The following ROBO2 variants were observed in gnomAD, a reference collection of about 807,000 sequenced individuals.
ROBO2 encodes roundabout homolog 2.
ROBO2 carries 53 observed loss-of-function variants against 160.8 expected under a neutral mutation model. That is an observed-to-expected ratio of 0.33 (90% CI 0.26 to 0.41). ROBO2 has a LOEUF of 0.41. ROBO2 is among the 10% of genes least tolerant of loss of function. The pLI is 1.00. For synonymous variants in ROBO2, 664 were observed against 611.7 expected, an observed-to-expected ratio of 1.09 and a Z score of -1.26; for missense variants, 1,577 against 1,722.4, an observed-to-expected ratio of 0.92 and a Z score of 1.49.
intron 2 of ROBO2, among the ~76,000 whole-genome samples, chr3:76,031,705 G>T (rs531098345): frequency 1.2e-3 from 182 of 152,184 alleles, no homozygotes; most frequent in African/African-American, 4.1e-3. Context: ...GCATCCCAGG[G>T]ATGAAGCCAA....
chr3:77,607,260 A>G (rs769270362), intron 20 of ROBO2, among the ~76,000 whole-genome samples: 26 of 152,344 alleles, frequency 1.7e-4, no homozygotes, highest in Non-Finnish European at 3.1e-4. Flanking sequence ...TATAAAACGT[A>G]TCTTCGCAAA....
intron 2 of ROBO2, among the ~76,000 whole-genome samples, chr3:76,240,366 G>A (rs1006082750): frequency 2.0e-5 from 3 of 151,790 alleles, no homozygotes; most frequent in African/African-American, 7.3e-5. Flanking sequence ...ACTTAGAAGT[G>A]AGAACATGCG....
chr3:77,590,893 T>G (rs141757251), intron 17 of ROBO2, among the ~76,000 whole-genome samples: 1 of 152,210 alleles, frequency 6.6e-6, no homozygotes, highest in African/African-American at 2.4e-5. Context: ...CTGTTACAAT[T>G]TTTTATTGTT....
At chr3:77,580,640 T>C (rs1387732458) in intron 16 of ROBO2, among the ~76,000 whole-genome samples, 1 of 152,184 alleles carries the variant, frequency 6.6e-6, no homozygotes, top group Non-Finnish European at 1.5e-5. Context: ...TCTTGAGATG[T>C]ATATAAATGG....
At chr3:76,783,608 G>T (rs185247158) in intron 2 of ROBO2, among the ~76,000 whole-genome samples, 2 of 149,878 alleles carry the variant, frequency 1.3e-5, no homozygotes, top group Admixed American at 1.3e-4. Context: ...GTCTTATGAA[G>T]ATTCCCTTAT....
At chr3:76,600,863 A>G (rs2087089790) in intron 2 of ROBO2, among the ~76,000 whole-genome samples, 1 of 152,158 alleles carries the variant, frequency 6.6e-6, no homozygotes, top group East Asian at 1.9e-4. Context: ...AAAAGTCCAC[A>G]GTCCAAAGTC....
In ROBO2 at chr3:76,130,676, A is replaced by G. The variant is rs189092570; in HGVS notation, c.109+193074A>G. 2.4e-3 allele frequency among the ~76,000 whole-genome samples: 372 copies of G among 152,254 alleles called. 1 individual carries two copies. The highest frequency in any genetic ancestry group is 7.4e-3 in the African/African-American group (309 of 41,572). On this transcript the variant is annotated intron_variant, in intron 2 of 26. Transcript: ENST00000487694. ...AGGCCACATAGCCATTCCTAATAAG[A>G]AAAATACCTGAAAAAATCAACTATC... is the stretch of plus-strand genomic sequence containing the variant.
At chr3:76,717,617 G>A (rs929824961) in intron 2 of ROBO2, among the ~76,000 whole-genome samples, 5 of 152,082 alleles carry the variant, frequency 3.3e-5, no homozygotes, top group Admixed American at 2.0e-4. Flanking sequence ...TCAGGTAGGC[G>A]ATCAAACTGA....
At chr3:76,390,553 A>C (rs1000358472) in intron 2 of ROBO2, among the ~76,000 whole-genome samples, 22 of 152,258 alleles carry the variant, frequency 1.4e-4, no homozygotes, top group African/African-American at 5.1e-4. Flanking sequence ...AAATTCATTA[A>C]AGTTTCATTA....
chr3:76,414,034 G>A (rs1409552688), intron 2 of ROBO2, among the ~76,000 whole-genome samples: 1 of 151,940 alleles, frequency 6.6e-6, no homozygotes, highest in Non-Finnish European at 1.5e-5. Context: ...GGCAGCAAGA[G>A]AAAATGAGGA....
chr3:76,674,403 C>T (rs1344384968), intron 2 of ROBO2, among the ~76,000 whole-genome samples: 2 of 151,976 alleles, frequency 1.3e-5, no homozygotes, highest in African/African-American at 4.8e-5. Flanking sequence ...TGTCAGCACT[C>T]CCCATCCCAG....
Position 77,011,442 on chromosome 3 carries a change from A to G in ROBO2, c.110-86572A>G, listed in dbSNP as rs1427322384. Among the ~76,000 whole-genome samples, 5 of 151,998 alleles carry G rather than the reference A, an allele frequency of 3.3e-5. No homozygotes were observed. In the East Asian group the frequency reaches 9.8e-4, roughly 30 times the overall value. ...CTTATTACTTAAAATCCATCTCCAA[A>G]CCTTTCACCCTGCTAAGTGCCATGG... On this transcript the variant is annotated intron_variant, in intron 2 of 26. Transcript: ENST00000487694.
intron 5 of ROBO2, among the ~76,000 whole-genome samples, chr3:77,497,275 C>T (rs1232522527): frequency 2.0e-5 from 3 of 151,950 alleles, no homozygotes; most frequent in Non-Finnish European, 4.4e-5. Context: ...GTGTTAGGGA[C>T]AAAAATTTCA....
chr3:76,283,001 G>T (rs1708308822), intron 2 of ROBO2, among the ~76,000 whole-genome samples: 1 of 140,626 alleles, frequency 7.1e-6, no homozygotes. Context: ...TTTATTTTAA[G>T]AAAATTTTTT....
chr3:76,006,882 C>T (rs369515970), intron 2 of ROBO2, among the ~76,000 whole-genome samples: 15 of 151,890 alleles, frequency 9.9e-5, no homozygotes, highest in Admixed American at 2.0e-4. Flanking sequence ...AATCACATAC[C>T]GGTCAAGTAA....
At position 76,673,466 on chromosome 3, in the gene ROBO2, G is replaced by A. The variant is rs148565156; in HGVS notation, c.110-424548G>A. On this transcript the variant is annotated intron_variant, in intron 2 of 26. Transcript: ENST00000487694. The stretch of plus-strand genomic sequence containing the variant: ...CAGGAGTCTTGTGGACATTTTACTG[G>A]CAAGGAAAGGCAGGTACAGGATTTA... Among the ~76,000 whole-genome samples the A allele has an allele frequency of 5.2e-3, 793 of 152,246 alleles. 8 individuals carry two copies. Among genetic ancestry groups the A allele is most frequent in the Non-Finnish European group, 4.9e-3 (335 of 68,010 alleles).
chr3:76,005,214 C>T (rs1297511737), intron 2 of ROBO2, among the ~76,000 whole-genome samples: 2 of 152,156 alleles, frequency 1.3e-5, no homozygotes, highest in African/African-American at 4.8e-5. Context: ...ACATGTATTG[C>T]ATTTGAATGA....
chr3:76,866,638 A>G (rs146123822), intron 2 of ROBO2, among the ~76,000 whole-genome samples: 3 of 152,288 alleles, frequency 2.0e-5, no homozygotes, highest in Middle Eastern at 3.4e-3. Flanking sequence ...TCTCATCTAT[A>G]TTACTTCTAT....
intron 2 of ROBO2, among the ~76,000 whole-genome samples, chr3:76,777,508 T>C (rs2062348079): frequency 6.6e-6 from 1 of 151,130 alleles, no homozygotes; most frequent in Non-Finnish European, 1.5e-5. Flanking sequence ...GGCTTGGAAA[T>C]GTAATGGACA....
Sources: gnomAD v4.1 joint callset for allele counts (sites outside exome capture counted in the v4.1 genomes callset) on GRCh38, gnomAD v4.1.1 for gene constraint, MANE v1.5 for transcripts, NCBI Gene and HGNC (gene_info 2026-07-23, HGNC 2026-07-21) for gene names.